Variants in COPS3 observed in about 807,000 individuals in gnomAD.
The protein encoded by COPS3 is COP9 signalosome subunit 3.
COPS3 carries 10 observed loss-of-function variants against 58.2 expected under a neutral mutation model. The ratio of observed to expected loss-of-function variants is 0.17; its 90% CI spans 0.11 to 0.29. The LOEUF is 0.29. Among genes scored for constraint, COPS3 ranks in the 10% least tolerant of loss-of-function variants. COPS3 has a pLI of 1.00. For synonymous variants in COPS3, 187 were observed against 181.7 expected (o/e 1.03, Z -0.24); for missense variants, 333 against 510.1 (o/e 0.65, Z 3.34).
chr17:17,257,211 A>G (rs1313605153), intron 8 of COPS3, among the ~76,000 whole-genome samples: 1 of 152,010 alleles, frequency 6.6e-6, no homozygotes, highest in African/African-American at 2.4e-5. Flanking sequence ...TAAAAATACA[A>G]AAATTAGCCA....
At chr17:17,280,569 C>T in intron 1 of COPS3, 2 of 1,283,686 alleles carry the variant, frequency 1.6e-6, no homozygotes, top group Non-Finnish European at 2.0e-6. Flanking sequence ...GAAATGGAGT[C>T]CTACGAGCGA....
chr17:17,263,319 G>A (rs1249833628), intron 6 of COPS3, among the ~76,000 whole-genome samples: 1 of 151,082 alleles, frequency 6.6e-6, no homozygotes, highest in African/African-American at 2.4e-5. Flanking sequence ...TCCTGCCTCA[G>A]TCTCCTGAGT....
intron 6 of COPS3, among the ~76,000 whole-genome samples, chr17:17,263,002 C>T (rs907101547): frequency 2.3e-4 from 35 of 150,156 alleles, no homozygotes; most frequent in Admixed American, 2.3e-3. Context: ...TCAAGAGATT[C>T]TCCTGGCTGG....
intron 1 of COPS3, among the ~76,000 whole-genome samples, chr17:17,279,397 C>T (rs991201188): frequency 1.3e-5 from 2 of 152,190 alleles, no homozygotes; most frequent in Non-Finnish European, 2.9e-5. Flanking sequence ...AAGCTTCTAA[C>T]TACACTACAC....
chr17:17,264,618 C>T (rs1272374416), intron 6 of COPS3, among the ~76,000 whole-genome samples, 184 bp downstream of exon 6: 1 of 152,282 alleles, frequency 6.6e-6, no homozygotes, highest in Non-Finnish European at 1.5e-5. Flanking sequence ...TATGCACTGG[C>T]GCTGCTCCTC....
Position 17,248,964 on chromosome 17 carries a change from A to G in COPS3, c.1099T>C (p.Tyr367His). The change falls in exon 10 of 12, where the codon TAT becomes CAT. Residue 367 changes from tyrosine to histidine, a missense_variant. Coordinates refer to ENST00000268717, the MANE Select transcript of COPS3 (RefSeq NM_003653.4). ...TTATGAAGCATGGCTGGGTTATTAT[A>G]TTTTTCAGGGTTATCATGGAAACTG... ...MVSFHDNPEK[Y>H]NNPAMLHNID... is the part of the protein sequence containing the mutation. The G allele has an allele frequency of 1.2e-6, 2 of 1,609,368 alleles. No homozygotes were observed. The highest frequency in any genetic ancestry group is 1.7e-6 in the Non-Finnish European group (2 of 1,178,308).
At chr17:17,261,819 TAGC>T in intron 7 of COPS3, 144 bp downstream of exon 7, 3 of 643,210 alleles carry the variant, frequency 4.7e-6, no homozygotes, top group Non-Finnish European at 8.0e-6. Flanking sequence ...TGAGAATGTG[TAGC>T]AGACATTCAA....
At chr17:17,251,362 T>C (rs1467476570) in intron 9 of COPS3, among the ~76,000 whole-genome samples, 1 of 151,888 alleles carries the variant, frequency 6.6e-6, no homozygotes, top group Non-Finnish European at 1.5e-5. Flanking sequence ...TGGTGTGATC[T>C]CCAGTCACTG....
At chr17:17,265,100 T>C in intron 5 of COPS3, 119 bp from the exon 6 acceptor site, 1 of 849,800 alleles carries the variant, frequency 1.2e-6, no homozygotes, top group Non-Finnish European at 1.8e-6. Flanking sequence ...TTACATTTTA[T>C]TGACTAAAAT....
intron 6 of COPS3, 72 bp from the exon 7 acceptor site, chr17:17,262,178 C>T (rs2048115794): frequency 7.4e-7 from 1 of 1,353,048 alleles, no homozygotes; most frequent in South Asian, 1.3e-5. Flanking sequence ...CCACATGTAT[C>T]ACATTAATTA....
intron 1 of COPS3, among the ~76,000 whole-genome samples, chr17:17,277,413 A>G (rs143384609): frequency 6.6e-6 from 1 of 152,136 alleles, no homozygotes; most frequent in East Asian, 1.9e-4. Context: ...CTGCAATACT[A>G]TGTTTGTTTT....
chr17:17,271,857 T>TATAC (rs1206258950), intron 2 of COPS3, among the ~76,000 whole-genome samples: 74 of 135,248 alleles, frequency 5.5e-4, no homozygotes, highest in Middle Eastern at 3.8e-3. Flanking sequence ...TATATATATA[T>TATAC]ACACACATAC....
chr17:17,256,416 G>A (rs1286399174), intron 8 of COPS3, among the ~76,000 whole-genome samples: 1 of 152,006 alleles, frequency 6.6e-6, no homozygotes, highest in Non-Finnish European at 1.5e-5. Flanking sequence ...AACAAATGGG[G>A]GAGTTAAATA....
At chr17:17,266,695 A>G (rs2048229587) in intron 5 of COPS3, among the ~76,000 whole-genome samples, 2 of 151,978 alleles carry the variant, frequency 1.3e-5, no homozygotes, top group Non-Finnish European at 2.9e-5. Flanking sequence ...GCTACTCAGG[A>G]GGCTGAGGAA....
intron 2 of COPS3, among the ~76,000 whole-genome samples, chr17:17,273,987 A>G (rs951527768): frequency 2.0e-5 from 3 of 152,238 alleles, no homozygotes; most frequent in African/African-American, 4.8e-5. Context: ...ACTGCACTTC[A>G]GCCTGAGTGA....
intron 1 of COPS3, among the ~76,000 whole-genome samples, chr17:17,278,703 C>T (rs1197028689): frequency 6.6e-6 from 1 of 152,020 alleles, no homozygotes; most frequent in Non-Finnish European, 1.5e-5. Context: ...TAGTTCTCTA[C>T]TAGTTAACAA....
chr17:17,276,660 C>T (rs1203218402), intron 1 of COPS3, among the ~76,000 whole-genome samples: 1 of 151,910 alleles, frequency 6.6e-6, no homozygotes, highest in Non-Finnish European at 1.5e-5. Flanking sequence ...CCTCCGCCCT[C>T]CAAGTTCAAG....
In COPS3 at chr17:17,270,914, G is replaced by C; in HGVS notation, c.280C>G (p.Arg94Gly). The stretch of plus-strand genomic sequence containing the variant: ...AGCTTACAAGTGTCTGTTGCATATC[G>C]AATGTGCTCCCCATTACAAGTGCTG... ...FISTCNGEHIRYATDTFAGLC... is the reference protein window; with the variant it reads ...FISTCNGEHIGYATDTFAGLC... Residue 94 changes from arginine (R) to glycine (G), a missense_variant, in exon 3 of 12, where the codon CGA becomes GGA. Arg to Gly is a moderately radical substitution (Grantham distance 125, BLOSUM62 -2). Coordinates refer to ENST00000268717, the MANE Select transcript of COPS3 (RefSeq NM_003653.4). The C allele has an allele frequency of 6.2e-7, 1 of 1,613,516 alleles. No homozygotes were observed. The highest frequency in any genetic ancestry group is 8.5e-7 in the Non-Finnish European group (1 of 1,179,790).
chr17:17,247,560 T>C lies in COPS3; in HGVS notation c.1138A>G (p.Met380Val), dbSNP rs140128984. 4 of 1,614,172 alleles carry C rather than the reference T, an allele frequency of 2.5e-6. No homozygotes were observed. The highest frequency in any genetic ancestry group is 3.4e-6 in the Non-Finnish European group (4 of 1,180,018). ...PAMLHNIDQE[M>V]LKCIELDERL... The stretch of plus-strand genomic sequence containing the variant: ...TCATCCAGCTCAATGCACTTCAGCA[T>C]CTGCATGACAGGCACATTAGAAGGT... Residue 380 changes from methionine to valine, a missense_variant and splice_region_variant, in exon 11 of 12, where the codon ATG (methionine) becomes GTG (valine). Transcript: ENST00000268717.
Sources: gnomAD v4.1 joint callset for allele counts (sites outside exome capture counted in the v4.1 genomes callset) on GRCh38, gnomAD v4.1.1 for gene constraint, MANE v1.5 for transcripts, NCBI Gene and HGNC (gene_info 2026-07-23, HGNC 2026-07-21) for gene names.